ELP4: variants seen among roughly 807,000 people sequenced by gnomAD.
ELP4 encodes elongator acetyltransferase complex subunit 4.
ELP4 carries 51 observed loss-of-function variants against 48.9 expected under a neutral mutation model. The observed-to-expected ratio is 1.04, with a 90% CI of 0.83 to 1.32. The LOEUF (loss-of-function observed/expected upper bound fraction) is 1.32. Ranked by LOEUF, ELP4 falls within the 40% of genes most tolerant of loss-of-function variation. ELP4 has a pLI of 0.00. For synonymous variants in ELP4, 210 were observed against 189.2 expected (o/e 1.11, Z -0.90); for missense variants, 519 against 514.6 (o/e 1.01, Z -0.08).
At chr11:31,585,835 G>T (rs112747281) in intron 3 of ELP4, among the ~76,000 whole-genome samples, 20 of 152,168 alleles carry the variant, frequency 1.3e-4, no homozygotes, top group African/African-American at 4.6e-4. Context: ...GCTCATGATT[G>T]TAATCCCAGA....
At chr11:31,629,272 T>C (rs1200703539) in intron 6 of ELP4, among the ~76,000 whole-genome samples, 1 of 152,048 alleles carries the variant, frequency 6.6e-6, no homozygotes, top group Non-Finnish European at 1.5e-5. Context: ...GGAATAAAAC[T>C]ATTTATTGTA....
intron 1 of ELP4, chr11:31,512,655 T>C (rs1203221457): frequency 2.0e-5 from 3 of 152,182 alleles, no homozygotes; most frequent in Non-Finnish European, 2.9e-5. Context: ...ACACTGTATG[T>C]AAATAACACT....
rs1948429093 is a variant in ELP4, at chr11:31,783,614, G to T, written c.*90G>T. On this transcript the variant is annotated 3_prime_UTR_variant, in exon 10 of 10. Coordinates refer to ENST00000640961, the MANE Select transcript of ELP4 (RefSeq NM_019040.5). ...ATGTAAATATTTTTCTTAACAATTT[G>T]ACCCTCCACTCCTTGAAAAACACAG... 2 of 1,258,234 alleles carry T rather than the reference G, an allele frequency of 1.6e-6. No homozygotes were observed. The highest frequency in any genetic ancestry group is 2.2e-6 in the Non-Finnish European group (2 of 922,210). The allele number at this position is 1,258,234 out of a possible 1,614,324, so 77.9% of individuals were successfully genotyped here.
intron 9 of ELP4, chr11:31,707,375 G>C (rs79966073): frequency 0.018 from 3,266 of 180,670 alleles, 107 homozygotes; most frequent in African/African-American, 0.072. Context: ...CTTTTATAAC[G>C]TATACAAAAA....
intron 1 of ELP4, among the ~76,000 whole-genome samples, chr11:31,515,784 C>G (rs1956100515): frequency 6.6e-6 from 1 of 152,146 alleles, no homozygotes; most frequent in Non-Finnish European, 1.5e-5. Flanking sequence ...GTTATGTGAT[C>G]TGTTCTCATT....
intron 3 of ELP4, among the ~76,000 whole-genome samples, chr11:31,583,421 T>C (rs1592137352): frequency 6.6e-6 from 1 of 152,264 alleles, no homozygotes; most frequent in Admixed American, 6.5e-5. Flanking sequence ...AGAGAAATGA[T>C]AAACTCCACA....
chr11:31,592,007 G>A (rs985082213), intron 3 of ELP4, among the ~76,000 whole-genome samples: 11 of 152,106 alleles, frequency 7.2e-5, no homozygotes, highest in Non-Finnish European at 1.3e-4. Context: ...AAAAGGTCAC[G>A]TATTGTATGG....
At chr11:31,675,639 G>T (rs1247640877) in intron 9 of ELP4, among the ~76,000 whole-genome samples, 1 of 152,126 alleles carries the variant, frequency 6.6e-6, no homozygotes, top group Non-Finnish European at 1.5e-5. Flanking sequence ...AAATGCAAAT[G>T]CTATACATGG....
chr11:31,639,054 A>T (rs1170807749), intron 7 of ELP4, among the ~76,000 whole-genome samples: 1 of 151,886 alleles, frequency 6.6e-6, no homozygotes, highest in Non-Finnish European at 1.5e-5. Flanking sequence ...AATGCACTTT[A>T]TTAAGAAGAA....
chr11:31,540,454 T>G (rs1956574380), intron 3 of ELP4, among the ~76,000 whole-genome samples: 3 of 152,212 alleles, frequency 2.0e-5, no homozygotes. Flanking sequence ...ACTACAGTAT[T>G]TGCCATTTTT....
intron 2 of ELP4, among the ~76,000 whole-genome samples, chr11:31,522,445 C>G (rs1592080997): frequency 6.6e-6 from 1 of 152,064 alleles, no homozygotes; most frequent in South Asian, 2.1e-4. Context: ...CATCTTAGAC[C>G]TCAATTTATG....
intron 9 of ELP4, chr11:31,663,849 A>T (rs927628417): frequency 1.3e-5 from 2 of 152,104 alleles, no homozygotes; most frequent in African/African-American, 4.8e-5. Flanking sequence ...AAATTTAAAC[A>T]TGAGCACATT....
chr11:31,531,846 A>G (rs757989003), intron 2 of ELP4, among the ~76,000 whole-genome samples: 28 of 152,154 alleles, frequency 1.8e-4, no homozygotes, highest in Non-Finnish European at 2.1e-4. Flanking sequence ...GGTTAGAGAT[A>G]CAGGGACCAA....
At chr11:31,597,911 G>C (rs1403843858) in intron 4 of ELP4, among the ~76,000 whole-genome samples, 2 of 149,274 alleles carry the variant, frequency 1.3e-5, no homozygotes, top group African/African-American at 4.9e-5. Flanking sequence ...AAGTGAAATG[G>C]TTGTCAAAAA....
At chr11:31,685,949 C>A (rs553428887) in intron 9 of ELP4, among the ~76,000 whole-genome samples, 8 of 149,468 alleles carry the variant, frequency 5.4e-5, no homozygotes, top group African/African-American at 1.7e-4. Flanking sequence ...AAAAAAAAAT[C>A]TTTCCTATAT....
At chr11:31,734,752 T>C (rs1360221954) in intron 9 of ELP4, among the ~76,000 whole-genome samples, 2 of 152,180 alleles carry the variant, frequency 1.3e-5, no homozygotes, top group Non-Finnish European at 2.9e-5. Flanking sequence ...TGTTCATAGA[T>C]TGGAAGACTT....
intron 3 of ELP4, among the ~76,000 whole-genome samples, chr11:31,587,655 T>C (rs912806238): frequency 6.6e-6 from 1 of 152,120 alleles, no homozygotes; most frequent in African/African-American, 2.4e-5. Flanking sequence ...GTGTTAATAT[T>C]AATTATTGAT....
At chr11:31,672,891 A>G (rs1479605458) in intron 9 of ELP4, among the ~76,000 whole-genome samples, 1 of 152,244 alleles carries the variant, frequency 6.6e-6, no homozygotes, top group Non-Finnish European at 1.5e-5. Flanking sequence ...TGACTTCCAT[A>G]TAAGTTGATG....
chr11:31,694,656 G>A (rs936813782), intron 9 of ELP4, among the ~76,000 whole-genome samples: 14 of 152,018 alleles, frequency 9.2e-5, no homozygotes, highest in African/African-American at 2.7e-4. Context: ...GCTCTTTTTT[G>A]GTTCCATATG....
Sources: allele counts gnomAD v4.1 joint callset (sites outside exome capture counted in the v4.1 genomes callset), GRCh38; gene constraint gnomAD v4.1.1; transcripts MANE v1.5; gene names NCBI Gene and HGNC (gene_info 2026-07-23, HGNC 2026-07-21).